SETBP1: variants seen among roughly 807,000 people sequenced by gnomAD.
The protein encoded by SETBP1 is SET binding protein 1, also known as SET-binding protein.
SETBP1 carries 9 observed loss-of-function variants against 101.0 expected under a neutral mutation model. The observed-to-expected ratio is 0.09, with a 90% CI of 0.05 to 0.16. The LOEUF is 0.16. SETBP1 is among the 10% of genes least tolerant of loss of function. The probability of loss-of-function intolerance (pLI) is 1.00; values close to 1 mark genes in which losing one functional copy is unlikely to be tolerated. For missense variants in SETBP1, 1,858 were observed against 2,033.8 expected, an observed-to-expected ratio of 0.91 and a Z score of 1.66; for synonymous variants, 818 against 788.5, an observed-to-expected ratio of 1.04 and a Z score of -0.63.
chr18:44,766,317 A>AC (rs1430322968), intron 2 of SETBP1, among the ~76,000 whole-genome samples: 2 of 152,170 alleles, frequency 1.3e-5, no homozygotes, highest in Non-Finnish European at 2.9e-5. Flanking sequence ...TGTAGTCTTG[A>AC]TTTTTCAGGT....
At chr18:44,976,997 A>G (rs2072003100) in intron 4 of SETBP1, among the ~76,000 whole-genome samples, 1 of 152,216 alleles carries the variant, frequency 6.6e-6, no homozygotes, top group African/African-American at 2.4e-5. Flanking sequence ...GTCAGGATTG[A>G]AAGAGTTGAT....
At chr18:44,745,379 C>T (rs1045834232) in intron 2 of SETBP1, among the ~76,000 whole-genome samples, 1 of 152,080 alleles carries the variant, frequency 6.6e-6, no homozygotes, top group African/African-American at 2.4e-5. Context: ...GGGCTAGGGG[C>T]TGATGACCAA....
chr18:44,976,243 G>GCCGC (rs1490208293), intron 4 of SETBP1, among the ~76,000 whole-genome samples: 3 of 152,184 alleles, frequency 2.0e-5, no homozygotes, highest in African/African-American at 7.2e-5. Context: ...GCAGAGGAGA[G>GCCGC]CCGCCGTGGG....
chr18:44,880,354 G>A (rs1390406766), intron 3 of SETBP1, among the ~76,000 whole-genome samples: 1 of 152,158 alleles, frequency 6.6e-6, no homozygotes, highest in Non-Finnish European at 1.5e-5. Context: ...AGGGCAAGTA[G>A]TTTGCTGATG....
At chr18:44,944,673 A>G (rs566613828) in intron 3 of SETBP1, among the ~76,000 whole-genome samples, 144 of 152,318 alleles carry the variant, frequency 9.5e-4, no homozygotes, top group Admixed American at 4.4e-3. Context: ...ATGTAATCCC[A>G]AATATCTTAC....
intron 2 of SETBP1, among the ~76,000 whole-genome samples, chr18:44,843,591 C>T (rs1266819824): frequency 1.3e-5 from 2 of 152,112 alleles, no homozygotes; most frequent in African/African-American, 2.4e-5. Flanking sequence ...CCTTGCCCTT[C>T]CAGGCCAGCC....
At chr18:44,863,632 G>C (rs1237174369) in intron 2 of SETBP1, among the ~76,000 whole-genome samples, 2 of 152,214 alleles carry the variant, frequency 1.3e-5, no homozygotes, top group African/African-American at 4.8e-5. Flanking sequence ...AAATAGAAAT[G>C]AGGGCAGATT....
At chr18:44,795,283 C>T (rs532252019) in intron 2 of SETBP1, among the ~76,000 whole-genome samples, 20 of 152,252 alleles carry the variant, frequency 1.3e-4, no homozygotes, top group South Asian at 6.2e-4. Flanking sequence ...CTTAGTTGTT[C>T]GGTCTCAGGT....
At chr18:44,980,999 TC>T (rs1431718440) in intron 4 of SETBP1, among the ~76,000 whole-genome samples, 1 of 152,142 alleles carries the variant, frequency 6.6e-6, no homozygotes, top group Non-Finnish European at 1.5e-5. Flanking sequence ...GTTAAAGTGG[TC>T]CCCAGACCAA....
In SETBP1 at chr18:45,065,456, A is replaced by G. The variant is rs1040887380; in HGVS notation, c.*1758A>G. 1.3e-5 allele frequency: 2 copies of G among 152,220 alleles called. No individual in the cohort carries two copies. Among genetic ancestry groups the G allele is most frequent in the Non-Finnish European group, 2.9e-5 (2 of 68,034 alleles). 9.4% of individuals were successfully genotyped at this position (152,220 alleles called of 1,614,324 possible). ...GAAGTTGGGACCAGCTGGAAATTGT[A>G]TTATCATTTCGGAACACAATATTAC... On this transcript the variant is annotated 3_prime_UTR_variant, in exon 6 of 6. Coordinates refer to ENST00000649279, the MANE Select transcript of SETBP1 (RefSeq NM_015559.3).
chr18:44,892,548 G>T (rs1222233024), intron 3 of SETBP1, among the ~76,000 whole-genome samples: 4 of 152,044 alleles, frequency 2.6e-5, no homozygotes, highest in African/African-American at 9.7e-5. Flanking sequence ...AATCAGTTAG[G>T]CATACCTAGT....
At chr18:44,689,402 A>G (rs2068891937) in intron 1 of SETBP1, among the ~76,000 whole-genome samples, 1 of 152,208 alleles carries the variant, frequency 6.6e-6, no homozygotes, top group African/African-American at 2.4e-5. Context: ...GATAAAACCC[A>G]GGGCCCTCTA....
intron 3 of SETBP1, among the ~76,000 whole-genome samples, chr18:44,948,313 C>A (rs966068164): frequency 6.6e-6 from 1 of 152,098 alleles, no homozygotes; most frequent in Non-Finnish European, 1.5e-5. Context: ...GGAAATAACC[C>A]TAGGGATTCC....
At chr18:45,048,557 G>A (rs911016420) in intron 5 of SETBP1, among the ~76,000 whole-genome samples, 3 of 152,064 alleles carry the variant, frequency 2.0e-5, no homozygotes, top group Non-Finnish European at 4.4e-5. Flanking sequence ...ACCCTTGAGG[G>A]CGTTAGTGGC....
At chr18:44,809,104 A>T (rs1205040101) in intron 2 of SETBP1, among the ~76,000 whole-genome samples, 1 of 152,224 alleles carries the variant, frequency 6.6e-6, no homozygotes, top group Non-Finnish European at 1.5e-5. Flanking sequence ...CAGAGAAAAC[A>T]GAGCAGAAGT....
intron 1 of SETBP1, among the ~76,000 whole-genome samples, chr18:44,695,742 G>C (rs188436513): frequency 6.6e-6 from 1 of 152,112 alleles, no homozygotes; most frequent in African/African-American, 2.4e-5. Context: ...AGAGGTGCAC[G>C]TGTTGTTCAT....
At chr18:44,882,503 C>CTT (rs79656454) in intron 3 of SETBP1, among the ~76,000 whole-genome samples, 4 of 144,262 alleles carry the variant, frequency 2.8e-5, no homozygotes, top group South Asian at 2.2e-4. Context: ...ACCTTTGTGT[C>CTT]TTTTTTTTTT....
chr18:44,925,167 A>C (rs956609108), intron 3 of SETBP1, among the ~76,000 whole-genome samples: 3 of 151,634 alleles, frequency 2.0e-5, no homozygotes, highest in African/African-American at 7.3e-5. Flanking sequence ...GGCAGTAACC[A>C]TAAAGCTAAG....
At chr18:45,018,246 A>G (rs1259473994) in intron 4 of SETBP1, among the ~76,000 whole-genome samples, 3 of 152,264 alleles carry the variant, frequency 2.0e-5, no homozygotes. Flanking sequence ...GAATCCTCAA[A>G]TCATAAAAAT....
Sources: allele counts gnomAD v4.1 joint callset (sites outside exome capture counted in the v4.1 genomes callset), GRCh38; gene constraint gnomAD v4.1.1; transcripts MANE v1.5; gene names NCBI Gene and HGNC (gene_info 2026-07-23, HGNC 2026-07-21).